RPH3A: variants seen among roughly 807,000 people sequenced by gnomAD.
RPH3A encodes the protein rabphilin 3A, also known as rabphilin-3A.
RPH3A carries 48 observed loss-of-function variants against 102.2 expected under a neutral mutation model. The observed-to-expected ratio is 0.47, with a 90% CI of 0.37 to 0.60. The LOEUF is 0.60. Ranked by LOEUF, RPH3A falls within the 20% of genes least tolerant of loss-of-function variation. The pLI is 0.00. For synonymous variants in RPH3A, 310 were observed against 324.3 expected, an observed-to-expected ratio of 0.96 and a Z score of 0.47; for missense variants, 781 against 910.1, an observed-to-expected ratio of 0.86 and a Z score of 1.83.
chr12:112,756,254 C>G (rs1193364569), intron 1 of RPH3A, among the ~76,000 whole-genome samples: 4 of 151,782 alleles, frequency 2.6e-5, no homozygotes, highest in African/African-American at 9.7e-5. Context: ...ACTCTTGTTG[C>G]CCAGGCTGGA....
intron 1 of RPH3A, among the ~76,000 whole-genome samples, chr12:112,753,603 C>G (rs1432525876): frequency 6.6e-6 from 1 of 152,100 alleles, no homozygotes; most frequent in African/African-American, 2.4e-5. Context: ...CTTGCCTGAT[C>G]TGCAGAGAAG....
intron 1 of RPH3A, among the ~76,000 whole-genome samples, chr12:112,653,025 A>G (rs2039986338): frequency 6.6e-6 from 1 of 152,202 alleles, no homozygotes; most frequent in African/African-American, 2.4e-5. Context: ...GTAGGCAGCT[A>G]TAACACAGTT....
chr12:112,608,055 A>C (rs563469867), intron 1 of RPH3A, among the ~76,000 whole-genome samples: 1 of 150,924 alleles, frequency 6.6e-6, no homozygotes, highest in African/African-American at 2.4e-5. Flanking sequence ...ATTTTCCTCT[A>C]TGCATTCATT....
At chr12:112,637,638 G>A (rs1335775241) in intron 1 of RPH3A, among the ~76,000 whole-genome samples, 2 of 152,170 alleles carry the variant, frequency 1.3e-5, no homozygotes, top group South Asian at 4.1e-4. Flanking sequence ...GTGAATTGAG[G>A]AGACACAGGA....
chr12:112,749,030 C>T (rs1438592186), intron 1 of RPH3A, among the ~76,000 whole-genome samples: 1 of 152,190 alleles, frequency 6.6e-6, no homozygotes, highest in Admixed American at 6.5e-5. Context: ...TTTATGTTCA[C>T]TCTCCATCCC....
At chr12:112,628,351 A>G (rs1253530173) in intron 1 of RPH3A, among the ~76,000 whole-genome samples, 1 of 151,834 alleles carries the variant, frequency 6.6e-6, no homozygotes, top group African/African-American at 2.4e-5. Context: ...TGGAGCAAGT[A>G]AGGAGAGGGG....
chr12:112,654,838 C>T (rs1012374617), intron 1 of RPH3A, among the ~76,000 whole-genome samples: 2 of 152,158 alleles, frequency 1.3e-5, no homozygotes, highest in Non-Finnish European at 2.9e-5. Flanking sequence ...AGAAACACCA[C>T]TTTGATATTG....
intron 1 of RPH3A, among the ~76,000 whole-genome samples, chr12:112,781,153 C>T (rs10774662): frequency 0.69 from 104,916 of 151,666 alleles, 37,371 homozygotes; most frequent in East Asian, 0.8. Context: ...GAGTGAGACT[C>T]CATCTCAAAA....
At chr12:112,896,021 C>T (rs2043173777) in intron 21 of RPH3A, 148 bp downstream of exon 21, 1 of 602,200 alleles carries the variant, frequency 1.7e-6, no homozygotes, top group African/African-American at 1.8e-5. Flanking sequence ...ATGATCTTGA[C>T]CTTGGTCCAA....
In RPH3A at chr12:112,876,685, G is replaced by C. The variant is rs776678218; in HGVS notation, c.990G>C (p.Glu330Asp). The C allele has an allele frequency of 6.2e-6, 10 of 1,613,270 alleles. No individual in the cohort carries two copies. The highest frequency in any genetic ancestry group is 5.9e-6 in the Non-Finnish European group (7 of 1,179,646). ...SDPGTTAPPREERTGGVGGYP... is the reference protein window; with the variant it reads ...SDPGTTAPPRDERTGGVGGYP... ...CTGGGACCACTGCCCCACCCCGAGA[G>C]GAGAGAACAGGGGGAGTCGGGGGCT... The change falls in exon 13 of 22, where the codon GAG becomes GAC. Residue 330 changes from glutamate to aspartate, a missense_variant. Transcript: ENST00000389385.
At chr12:112,836,527 A>G (rs1206093959) in intron 4 of RPH3A, 25 bp downstream of exon 4, 3 of 1,217,012 alleles carry the variant, frequency 2.5e-6, no homozygotes, top group Non-Finnish European at 3.4e-6. Flanking sequence ...ACACTTATTT[A>G]TTTATTTTTT....
chr12:112,861,913 T>G (rs1469668434), intron 5 of RPH3A, among the ~76,000 whole-genome samples: 1 of 148,684 alleles, frequency 6.7e-6, no homozygotes, highest in Non-Finnish European at 1.5e-5. Context: ...CTTGGGAGGC[T>G]GAGGCAGGAG....
At chr12:112,880,256 CAT>C (rs2042885279) in intron 14 of RPH3A, among the ~76,000 whole-genome samples, 1 of 152,166 alleles carries the variant, frequency 6.6e-6, no homozygotes, top group Non-Finnish European at 1.5e-5. Context: ...TAGAATATAT[CAT>C]CATTTATTGG....
chr12:112,864,411 A>G (rs2042572698), intron 5 of RPH3A, among the ~76,000 whole-genome samples: 1 of 148,410 alleles, frequency 6.7e-6, no homozygotes, highest in South Asian at 2.1e-4. Context: ...AGATCGCGCC[A>G]CTGCACTCCA....
chr12:112,652,273 C>T (rs908265748), intron 1 of RPH3A, among the ~76,000 whole-genome samples: 1 of 151,768 alleles, frequency 6.6e-6, no homozygotes, highest in African/African-American at 2.4e-5. Flanking sequence ...GCCAGGAGTT[C>T]GAGACCAGCC....
intron 1 of RPH3A, among the ~76,000 whole-genome samples, chr12:112,698,775 T>A (rs980383779): frequency 1.3e-5 from 2 of 152,200 alleles, no homozygotes; most frequent in African/African-American, 4.8e-5. Context: ...GGGAATGGTG[T>A]AGCCACTGCA....
At chr12:112,802,169 T>G (rs1188011245) in intron 2 of RPH3A, among the ~76,000 whole-genome samples, 1 of 152,230 alleles carries the variant, frequency 6.6e-6, no homozygotes, top group East Asian at 1.9e-4. Context: ...GATGCTTTGC[T>G]CTTTCACTTT....
intron 1 of RPH3A, among the ~76,000 whole-genome samples, chr12:112,772,404 C>T (rs1051625284): frequency 1.3e-5 from 2 of 152,152 alleles, no homozygotes; most frequent in Admixed American, 6.5e-5. Context: ...CACAAAATGC[C>T]GGGAGCAACC....
At chr12:112,748,625 A>G (rs1295653662) in intron 1 of RPH3A, among the ~76,000 whole-genome samples, 2 of 152,156 alleles carry the variant, frequency 1.3e-5, no homozygotes, top group Non-Finnish European at 2.9e-5. Context: ...ATGAGCCACC[A>G]TGCCTGGCCT....
Sources: allele counts gnomAD v4.1 joint callset (sites outside exome capture counted in the v4.1 genomes callset), GRCh38; gene constraint gnomAD v4.1.1; transcripts MANE v1.5; gene names NCBI Gene and HGNC (gene_info 2026-07-23, HGNC 2026-07-21).